The following ACYP2 variants were observed in gnomAD, a reference collection of about 807,000 sequenced individuals.
ACYP2 encodes acylphosphatase-2.
A neutral mutation model predicts 11.2 loss-of-function variants in ACYP2; 12 were observed. That is an observed-to-expected ratio of 1.08 (90% confidence interval 0.69 to 1.74). The LOEUF is 1.74. Ranked by LOEUF, ACYP2 falls within the 40% of genes most tolerant of loss-of-function variation. ACYP2 has a pLI of 0.00. For synonymous variants in ACYP2, 43 were observed against 32.2 expected (o/e 1.33, Z -1.13); for missense variants, 134 against 101.9 (o/e 1.31, Z -1.35).
At chr2:54,179,933 C>CA (rs1285934669) in intron 6 of ACYP2, among the ~76,000 whole-genome samples, 2 of 152,152 alleles carry the variant, frequency 1.3e-5, no homozygotes, top group Admixed American at 1.3e-4. Flanking sequence ...ATTGGGGGCT[C>CA]AGTCCCCAAG....
chr2:54,266,669 G>T (rs1255761091), intron 6 of ACYP2, among the ~76,000 whole-genome samples: 1 of 125,390 alleles, frequency 8.0e-6, no homozygotes, highest in East Asian at 2.6e-4. Flanking sequence ...GCAGTGGCGC[G>T]ATCTCGGCTC....
intron 6 of ACYP2, among the ~76,000 whole-genome samples, chr2:54,263,356 G>A (rs1253835700): frequency 1.3e-5 from 2 of 152,182 alleles, no homozygotes. Context: ...CTGCCCCCAT[G>A]ATCCAGTCAT....
intron 6 of ACYP2, among the ~76,000 whole-genome samples, chr2:54,179,272 T>C: frequency 6.6e-6 from 1 of 151,746 alleles, no homozygotes; most frequent in South Asian, 2.1e-4. Flanking sequence ...GAGGAGCATC[T>C]CCCCACCACC....
intron 2 of ACYP2, among the ~76,000 whole-genome samples, chr2:54,022,890 C>T (rs1674079898): frequency 6.6e-6 from 1 of 152,114 alleles, no homozygotes. Context: ...AGCTCATACG[C>T]CTTTTGTCCT....
intron 4 of ACYP2, among the ~76,000 whole-genome samples, chr2:54,098,930 G>A (rs553297490): frequency 2.6e-5 from 4 of 152,066 alleles, no homozygotes; most frequent in Admixed American, 6.5e-5. Flanking sequence ...GTCTTGCTAT[G>A]TTGCCCAGGC....
At chr2:54,045,034 T>G (rs1675439027) in intron 2 of ACYP2, among the ~76,000 whole-genome samples, 1 of 152,160 alleles carries the variant, frequency 6.6e-6, no homozygotes. Context: ...GTCCCTAAAG[T>G]GCTTTATAGA....
intron 2 of ACYP2, among the ~76,000 whole-genome samples, chr2:54,035,300 C>G (rs1478657201): frequency 1.4e-5 from 2 of 138,508 alleles, no homozygotes; most frequent in Non-Finnish European, 3.0e-5. Context: ...GAGTCTCGCT[C>G]TGTCGCCCAG....
chr2:54,182,739 G>T (rs1295154124), intron 6 of ACYP2, among the ~76,000 whole-genome samples: 1 of 152,208 alleles, frequency 6.6e-6, no homozygotes, highest in Non-Finnish European at 1.5e-5. Context: ...ATAACTGGCA[G>T]AGACTCCTTG....
rs1486559791 is a variant in ACYP2, at chr2:54,156,219, T to C, written c.404+17471T>C. On this transcript the variant is annotated intron_variant, in intron 6 of 6. Transcript: ENST00000607452. ...TTAATTTTGTTTATTTTTTATGTAATCTTAAAGTTTACCTACAATATAAAA... is the reference window on the plus strand; with the variant it reads ...TTAATTTTGTTTATTTTTTATGTAACCTTAAAGTTTACCTACAATATAAAA... 2.0e-5 allele frequency among the ~76,000 whole-genome samples: 3 copies of C among 152,192 alleles called. 1 individual carries two copies. The highest frequency in any genetic ancestry group is 4.1e-4 in the South Asian group (2 of 4,834).
At chr2:54,016,359 A>G (rs1290228431) in intron 2 of ACYP2, among the ~76,000 whole-genome samples, 1 of 151,578 alleles carries the variant, frequency 6.6e-6, no homozygotes, top group Non-Finnish European at 1.5e-5. Flanking sequence ...CATTCTTATT[A>G]ATTTTTTTTT....
chr2:54,078,121 A>G (rs1457967325), intron 4 of ACYP2, among the ~76,000 whole-genome samples: 1 of 151,714 alleles, frequency 6.6e-6, no homozygotes, highest in Non-Finnish European at 1.5e-5. Flanking sequence ...TAATTTTTGT[A>G]TTTTTAGTAG....
chr2:54,214,193 C>G (rs1685457120), intron 6 of ACYP2, among the ~76,000 whole-genome samples: 2 of 152,156 alleles, frequency 1.3e-5, no homozygotes. Flanking sequence ...CATAGGTTGT[C>G]TGTTTACTCT....
At chr2:54,242,944 G>C (rs1039085055) in intron 6 of ACYP2, among the ~76,000 whole-genome samples, 1 of 152,118 alleles carries the variant, frequency 6.6e-6, no homozygotes, top group Non-Finnish European at 1.5e-5. Context: ...GCACCCTTTA[G>C]CAAACTCCTG....
At chr2:54,195,159 C>T (rs942206602) in intron 6 of ACYP2, among the ~76,000 whole-genome samples, 1 of 152,112 alleles carries the variant, frequency 6.6e-6, no homozygotes, top group Non-Finnish European at 1.5e-5. Flanking sequence ...TTCTGTTGGC[C>T]TCATTAGCTC....
chr2:54,219,467 C>G (rs1685690598), intron 6 of ACYP2, among the ~76,000 whole-genome samples: 1 of 151,788 alleles, frequency 6.6e-6, no homozygotes, highest in South Asian at 2.1e-4. Flanking sequence ...ACAAGCAAAT[C>G]TAATGCAGGT....
intron 6 of ACYP2, among the ~76,000 whole-genome samples, chr2:54,159,639 T>G (rs1682617502): frequency 6.6e-6 from 1 of 152,148 alleles, no homozygotes; most frequent in Non-Finnish European, 1.5e-5. Context: ...TTGTGAAAAG[T>G]CCAGTCTAAC....
chr2:54,053,463 C>G (rs1675967986), intron 3 of ACYP2, among the ~76,000 whole-genome samples: 2 of 152,228 alleles, frequency 1.3e-5, no homozygotes, highest in African/African-American at 4.8e-5. Flanking sequence ...TTCAGCTTTC[C>G]TGGGTCCTAG....
intron 4 of ACYP2, among the ~76,000 whole-genome samples, chr2:54,093,207 C>A (rs1380339252): frequency 6.6e-6 from 1 of 152,174 alleles, no homozygotes; most frequent in Non-Finnish European, 1.5e-5. Context: ...TCCCCCTTCA[C>A]AGGAGGAAGT....
chr2:54,115,696 G>A, intron 4 of ACYP2: 2 of 1,611,610 alleles, frequency 1.2e-6, no homozygotes, highest in South Asian at 2.2e-5. Flanking sequence ...GCTCGCCGCC[G>A]CCATGTCTAC....
Sources: gnomAD v4.1 joint callset for allele counts (sites outside exome capture counted in the v4.1 genomes callset) on GRCh38, gnomAD v4.1.1 for gene constraint, MANE v1.5 for transcripts, NCBI Gene and HGNC (gene_info 2026-07-23, HGNC 2026-07-21) for gene names.